The following WNK3 variants were observed in gnomAD, a reference collection of about 807,000 sequenced individuals.
The protein encoded by WNK3 is serine/threonine-protein kinase WNK3.
Under a neutral mutation model 116.7 loss-of-function variants are expected in WNK3, and 18 were observed. The ratio of observed to expected loss-of-function variants is 0.15; its 90% CI spans 0.11 to 0.23. WNK3 has a LOEUF of 0.23. Ranked by LOEUF, WNK3 falls within the 10% of genes least tolerant of loss-of-function variation. The probability of loss-of-function intolerance (pLI) is 1.00; values close to 1 mark genes in which losing one functional copy is unlikely to be tolerated. For synonymous variants in WNK3, 404 were observed against 469.4 expected, an observed-to-expected ratio of 0.86 and a Z score of 1.80; for missense variants, 993 against 1,323.8, an observed-to-expected ratio of 0.75 and a Z score of 3.88.
chrX:54,209,058 CA>C (rs782301662), intron 22 of WNK3, among the ~76,000 whole-genome samples: 20 of 111,445 alleles, frequency 1.8e-4, no homozygotes, highest in African/African-American at 5.9e-4. Context: ...TTTGTACCAA[CA>C]AACCAGGCAA....
At chrX:54,292,698 C>A (rs2068652087) in intron 10 of WNK3, among the ~76,000 whole-genome samples, 190 bp downstream of exon 10, 1 of 89,297 alleles carries the variant, frequency 1.1e-5, no homozygotes, top group South Asian at 6.0e-4. Flanking sequence ...AAGAGCGACA[C>A]TCCACCTCAA....
intron 23 of WNK3, among the ~76,000 whole-genome samples, chrX:54,198,908 T>G (rs1370306892): frequency 1.8e-5 from 2 of 111,123 alleles, no homozygotes; most frequent in Non-Finnish European, 3.8e-5. Flanking sequence ...TTTTTATAGT[T>G]ATTTCCATGC....
chrX:54,216,978 C>A (rs1202516390), intron 22 of WNK3, among the ~76,000 whole-genome samples: 1 of 111,609 alleles, frequency 9.0e-6, no homozygotes, highest in Non-Finnish European at 1.9e-5. Context: ...GAGTTTGAGA[C>A]CAGCCTGGAC....
Position 54,317,094 on chromosome X carries a change from T to C in WNK3, c.538-5803A>G, listed in dbSNP as rs183827534. On this transcript the variant is annotated intron_variant, in intron 2 of 23. Coordinates refer to ENST00000354646, the Ensembl canonical transcript of WNK3. ...AACAAAATATGGTACATACATACAA[T>C]GGAATACTGTTTAGCCTTAAAGAGA... 4.9e-3 allele frequency among the ~76,000 whole-genome samples: 542 copies of C among 110,177 alleles called. 2 individuals carry two copies. The highest frequency in any genetic ancestry group is 7.1e-3 in the Non-Finnish European group (376 of 52,848).
intron 20 of WNK3, among the ~76,000 whole-genome samples, chrX:54,236,595 C>T (rs1475745278): frequency 1.8e-5 from 2 of 111,457 alleles, no homozygotes; most frequent in Middle Eastern, 4.2e-3. Context: ...AGATGAACCA[C>T]TATCTCTGAT....
chrX:54,205,270 A>ACC (rs782732669), intron 22 of WNK3, among the ~76,000 whole-genome samples: 8,465 of 67,482 alleles, frequency 0.13, 347 homozygotes, highest in African/African-American at 0.21. Flanking sequence ...CAACCAACCA[A>ACC]ACAAACAAAC....
At chrX:54,262,948 A>G (rs200817691) in intron 10 of WNK3, among the ~76,000 whole-genome samples, 5,141 of 87,912 alleles carry the variant, frequency 0.058, 181 homozygotes, top group Non-Finnish European at 0.076. Flanking sequence ...AAAAAAAAAA[A>G]GAAAAGAAAA....
At chrX:54,302,964 G>A (rs782700433) in intron 5 of WNK3, among the ~76,000 whole-genome samples, 19 of 85,725 alleles carry the variant, frequency 2.2e-4, no homozygotes, top group African/African-American at 7.0e-4. Context: ...TAGAGACAAG[G>A]TCTTGCTATG....
chrX:54,226,783 T>C (rs782820319), intron 22 of WNK3, among the ~76,000 whole-genome samples: 1 of 111,047 alleles, frequency 9.0e-6, no homozygotes, highest in African/African-American at 3.3e-5. Flanking sequence ...GACGTTGCAG[T>C]GAGCCGAGAT....
At chrX:54,237,296 C>T (rs781995218) in exon 20 of WNK3, 20 of 1,210,683 alleles carry the variant, frequency 1.7e-5, no homozygotes, top group African/African-American at 3.5e-5. Flanking sequence ...TCACAAGCTG[C>T]GCTGAAAGAT....
chrX:54,341,783 G>A (rs1405526082), intron 1 of WNK3, among the ~76,000 whole-genome samples: 3 of 111,223 alleles, frequency 2.7e-5, no homozygotes, highest in African/African-American at 9.8e-5. Context: ...AGTGGTTGGG[G>A]CTGGGGCATA....
chrX:54,198,434 C>G (rs372840598), exon 24 of WNK3: 1 of 1,209,060 alleles, frequency 8.3e-7, no homozygotes, highest in Non-Finnish European at 1.1e-6. Flanking sequence ...GGAATTACTA[C>G]AGATTGTTGT....
chrX:54,284,949 A>G (rs1307065755), intron 10 of WNK3, among the ~76,000 whole-genome samples: 1 of 110,442 alleles, frequency 9.1e-6, no homozygotes, highest in African/African-American at 3.3e-5. Context: ...CAGCCTGAGC[A>G]ACAAGAACGA....
chrX:54,314,418 T>C (rs1419096927), intron 2 of WNK3, among the ~76,000 whole-genome samples: 1 of 111,275 alleles, frequency 9.0e-6, no homozygotes, highest in Non-Finnish European at 1.9e-5. Flanking sequence ...TTTTACTCCT[T>C]CAATCTTATT....
intron 17 of WNK3, 51 bp from the exon 18 acceptor site, chrX:54,239,150 C>A: frequency 1.2e-6 from 1 of 848,316 alleles, no homozygotes; most frequent in Admixed American, 4.3e-5. Flanking sequence ...CAAAACAAAA[C>A]AAAACAACCG....
intron 1 of WNK3, among the ~76,000 whole-genome samples, chrX:54,336,029 C>T (rs2069230074): frequency 8.9e-6 from 1 of 112,209 alleles, no homozygotes; most frequent in African/African-American, 3.2e-5. Flanking sequence ...GTGGCTCACG[C>T]CTGCAATCTT....
intron 1 of WNK3, among the ~76,000 whole-genome samples, chrX:54,337,012 G>A (rs1557175494): frequency 9.0e-6 from 1 of 110,870 alleles, no homozygotes; most frequent in Non-Finnish European, 1.9e-5. Context: ...GTGAAAAAAA[G>A]TTAACTAGTT....
chrX:54,286,929 C>A (rs552424750), intron 10 of WNK3, among the ~76,000 whole-genome samples: 84 of 106,550 alleles, frequency 7.9e-4, no homozygotes, highest in African/African-American at 2.7e-3. Context: ...AAAAAAAAAG[C>A]AATCAATTCC....
chrX:54,270,705 G>A (rs1348451084), intron 10 of WNK3, among the ~76,000 whole-genome samples: 3 of 109,915 alleles, frequency 2.7e-5, no homozygotes, highest in East Asian at 2.8e-4. Flanking sequence ...CATGCATTAG[G>A]TATTTGTCCT....
Sources: gnomAD v4.1 joint callset for allele counts (sites outside exome capture counted in the v4.1 genomes callset) on GRCh38, gnomAD v4.1.1 for gene constraint, MANE v1.5 for transcripts, NCBI Gene and HGNC (gene_info 2026-07-23, HGNC 2026-07-21) for gene names.